The following PIGK variants were observed in gnomAD, a reference collection of about 807,000 sequenced individuals.
PIGK encodes phosphatidylinositol glycan anchor biosynthesis class K.
In PIGK, 42 loss-of-function variants were observed where a neutral mutation model predicts 50.6. The ratio of observed to expected loss-of-function variants is 0.83; its 90% CI spans 0.65 to 1.07. The LOEUF (loss-of-function observed/expected upper bound fraction) is 1.07. PIGK is among the 50% of genes least tolerant of loss of function. The pLI, the probability that PIGK is intolerant of heterozygous loss-of-function variation, is 0.00. For missense variants in PIGK, 448 were observed against 488.7 expected (o/e 0.92, Z 0.78); for synonymous variants, 151 against 156.0 (o/e 0.97, Z 0.24).
chr1:77,210,438 G>C lies in PIGK; in HGVS notation c.145C>G (p.Leu49Val). 8 of 1,587,136 alleles carry C rather than the reference G, an allele frequency of 5.0e-6. No homozygotes were observed. Among genetic ancestry groups the C allele is most frequent in the Non-Finnish European group, 6.9e-6 (8 of 1,161,362 alleles). The change falls in exon 2 of 11, where the codon CTG becomes GTG. Residue 49 changes from leucine (L) to valine (V), a missense_variant and splice_region_variant. Coordinates refer to ENST00000370812, the MANE Select transcript of PIGK (RefSeq NM_005482.3). ...GTATACTTTTACAGTATACTTACCA[G>C]AACAGCCCAGTTGTTTGTATGGCCA... ...RSGHTNNWAVLVCTSRFWFNY... is the reference protein window; with the variant it reads ...RSGHTNNWAVVVCTSRFWFNY...
chr1:77,183,937 G>A (rs981171874), intron 3 of PIGK, among the ~76,000 whole-genome samples: 4 of 152,224 alleles, frequency 2.6e-5, no homozygotes, highest in South Asian at 2.1e-4. Flanking sequence ...AATGCCTTGC[G>A]AAATAGATTT....
chr1:77,153,328 G>A (rs747402769), intron 9 of PIGK, among the ~76,000 whole-genome samples: 14 of 152,080 alleles, frequency 9.2e-5, no homozygotes, highest in African/African-American at 2.9e-4. Context: ...GAGGTAGAGG[G>A]TAGACCAGAG....
chr1:77,160,896 TA>T (rs1655114049), intron 8 of PIGK, among the ~76,000 whole-genome samples: 1 of 151,952 alleles, frequency 6.6e-6, no homozygotes, highest in African/African-American at 2.4e-5. Flanking sequence ...GTAAGGTCAA[TA>T]AAAGACTGTG....
At chr1:77,184,734 G>A (rs868784599) in intron 3 of PIGK, among the ~76,000 whole-genome samples, 1 of 152,124 alleles carries the variant, frequency 6.6e-6, no homozygotes, top group South Asian at 2.1e-4. Context: ...ATGCAAAATT[G>A]GCACAGACAT....
chr1:77,153,537 A>G (rs1050604040), intron 9 of PIGK: 4 of 152,190 alleles, frequency 2.6e-5, no homozygotes, highest in Non-Finnish European at 5.9e-5. Context: ...GAGGTGATGG[A>G]TATTCCAGTT....
chr1:77,093,516 T>C (rs948145432), intron 10 of PIGK, among the ~76,000 whole-genome samples: 2 of 152,268 alleles, frequency 1.3e-5, no homozygotes, highest in East Asian at 1.9e-4. Flanking sequence ...ATGTATAATG[T>C]CCATCAATTC....
At chr1:77,169,597 T>A (rs577628327) in intron 3 of PIGK, among the ~76,000 whole-genome samples, 1 of 150,462 alleles carries the variant, frequency 6.6e-6, no homozygotes. Flanking sequence ...TAGTGCAATC[T>A]GGCATAAAGT....
intron 3 of PIGK, 32 bp downstream of exon 3, chr1:77,206,608 G>T: frequency 8.6e-7 from 1 of 1,157,926 alleles, no homozygotes; most frequent in Non-Finnish European, 1.3e-6. Context: ...TTTCACTGAA[G>T]TTCAAGGTTA....
rs551093496 is a variant in PIGK at position 77,099,137 on chromosome 1, T to C, written c.1072-6647A>G. 1.2e-3 allele frequency among the ~76,000 whole-genome samples: 184 copies of C among 152,266 alleles called. 1 individual carries two copies. Among genetic ancestry groups the C allele is most frequent in the African/African-American group, 4.1e-3 (172 of 41,576 alleles). ...TAGTCACATAATACAGGAAACATTG[T>C]ACATCCACATATTAATCAATAAAAA... On this transcript the variant is annotated intron_variant, in intron 10 of 10. Transcript: ENST00000370812.
intron 3 of PIGK, among the ~76,000 whole-genome samples, chr1:77,201,022 G>T (rs1280674448): frequency 1.3e-5 from 2 of 152,214 alleles, no homozygotes; most frequent in African/African-American, 4.8e-5. Flanking sequence ...AGCATTTTAA[G>T]GAATTACCAT....
At chr1:77,105,371 C>A (rs1406855127) in intron 10 of PIGK, among the ~76,000 whole-genome samples, 1 of 151,800 alleles carries the variant, frequency 6.6e-6, no homozygotes, top group Admixed American at 6.6e-5. Context: ...AGAGAGTGGG[C>A]AAACTTTGGG....
chr1:77,100,983 G>A (rs1653528531), intron 10 of PIGK, among the ~76,000 whole-genome samples: 1 of 152,158 alleles, frequency 6.6e-6, no homozygotes, highest in African/African-American at 2.4e-5. Context: ...CCTGAACAGA[G>A]GAACTAACTA....
At chr1:77,165,561 T>C (rs1655215422) in intron 5 of PIGK, among the ~76,000 whole-genome samples, 4 of 149,104 alleles carry the variant, frequency 2.7e-5, no homozygotes, top group African/African-American at 7.4e-5. Context: ...TTGATTAACA[T>C]CCATATTTAC....
At chr1:77,209,684 GC>G (rs1656372060) in intron 2 of PIGK, among the ~76,000 whole-genome samples, 1 of 151,982 alleles carries the variant, frequency 6.6e-6, no homozygotes, top group Non-Finnish European at 1.5e-5. Flanking sequence ...GATTCTAAAT[GC>G]CCATAAACTG....
rs1442092273 is a variant in PIGK at position 77,169,329 on chromosome 1, C to T, written c.306G>A (p.Val102=). ...TTAGTTCCATATTCTTGTGACTAAA[C>T]ACTGTAGCTGGTTTGGGATTTCTAG... ...CNPRNPKPAT[V]FSHKNMELNV... The change falls in exon 4 of 11, where the codon GTG becomes GTA. Residue 102 remains valine (V), a synonymous_variant. Transcript: ENST00000370812. 1.1e-5 allele frequency: 17 copies of T among 1,603,500 alleles called. No homozygotes were observed. The East Asian group carries it at 2.9e-4, about 28-fold the overall frequency.
At chr1:77,218,339 T>C (rs1656632920) in intron 1 of PIGK, among the ~76,000 whole-genome samples, 1 of 152,146 alleles carries the variant, frequency 6.6e-6, no homozygotes, top group Non-Finnish European at 1.5e-5. Context: ...GAAAACAAGA[T>C]AAAGTAATCG....
intron 1 of PIGK, 108 bp downstream of exon 1, chr1:77,219,202 A>C (rs1263377230): frequency 4.7e-6 from 4 of 844,498 alleles, no homozygotes; most frequent in Non-Finnish European, 7.8e-6. Flanking sequence ...AGCCTGGGTC[A>C]GGGGCTGATT....
At chr1:77,158,084 T>G (rs1307753115) in intron 8 of PIGK, among the ~76,000 whole-genome samples, 1 of 152,328 alleles carries the variant, frequency 6.6e-6, no homozygotes, top group East Asian at 1.9e-4. Flanking sequence ...TGGCGCAATC[T>G]CAGCTCACTG....
chr1:77,143,559 C>A lies in PIGK; in HGVS notation c.986+10890G>T, dbSNP rs117307426. On this transcript the variant is annotated intron_variant, in intron 9 of 10. Coordinates refer to ENST00000370812, the MANE Select transcript of PIGK (RefSeq NM_005482.3). The stretch of plus-strand genomic sequence containing the variant: ...CATATAGAGAGAAATTTTTACCAAC[C>A]TTTATAAACTGACAATTCAATATCA... 5.9e-4 allele frequency among the ~76,000 whole-genome samples: 90 copies of A among 152,122 alleles called. 1 individual carries two copies. In the East Asian group the frequency reaches 0.011, roughly 19 times the overall value.
Sources: gnomAD v4.1 joint callset for allele counts (sites outside exome capture counted in the v4.1 genomes callset) on GRCh38, gnomAD v4.1.1 for gene constraint, MANE v1.5 for transcripts, NCBI Gene and HGNC (gene_info 2026-07-23, HGNC 2026-07-21) for gene names.